CNIH3: variants seen among roughly 807,000 people sequenced by gnomAD.
The protein encoded by CNIH3 is cornichon family AMPA receptor auxiliary protein 3.
A neutral mutation model predicts 24.1 loss-of-function variants in CNIH3; 14 were observed. That is an observed-to-expected ratio of 0.58 (90% CI 0.38 to 0.91). CNIH3 has a LOEUF of 0.91. Ranked by LOEUF, CNIH3 falls within the 40% of genes least tolerant of loss-of-function variation. The pLI is 0.00. For synonymous variants in CNIH3, 68 were observed against 73.8 expected (o/e 0.92, Z 0.40); for missense variants, 178 against 196.8 (o/e 0.90, Z 0.57).
intron 2 of CNIH3, among the ~76,000 whole-genome samples, chr1:224,530,203 GA>G (rs1292326504): frequency 6.6e-6 from 1 of 152,188 alleles, no homozygotes. Flanking sequence ...GGGGACTAGA[GA>G]ATATGCTGTA....
chr1:224,544,743 T>C (rs1238548086), intron 2 of CNIH3, among the ~76,000 whole-genome samples: 1 of 152,190 alleles, frequency 6.6e-6, no homozygotes, highest in East Asian at 1.9e-4. Context: ...CAGTTACTCT[T>C]GGCACTACTA....
intron 4 of CNIH3, among the ~76,000 whole-genome samples, chr1:224,567,926 C>CAATT (rs1471079617): frequency 1.3e-5 from 2 of 152,130 alleles, no homozygotes; most frequent in African/African-American, 4.8e-5. Flanking sequence ...GATCCTGTGG[C>CAATT]ATTCTTCCAC....
intron 3 of CNIH3, among the ~76,000 whole-genome samples, chr1:224,706,991 T>C (rs541124587): frequency 7.3e-6 from 1 of 137,582 alleles, no homozygotes; most frequent in Non-Finnish European, 1.5e-5. Flanking sequence ...TGAGACAGAG[T>C]CTTGCTCTGT....
At chr1:224,591,590 C>T (rs1681757270), downstream of CNIH3, among the ~76,000 whole-genome samples, 1 of 152,134 alleles carries the variant, frequency 6.6e-6, no homozygotes, top group Non-Finnish European at 1.5e-5. Context: ...AGAATGGTTC[C>T]AACTGGAGGA....
chr1:224,707,873 G>A (rs932118570), intron 3 of CNIH3, among the ~76,000 whole-genome samples: 2 of 152,088 alleles, frequency 1.3e-5, no homozygotes, highest in East Asian at 1.9e-4. Flanking sequence ...TTGTTATCTT[G>A]TTGTTATTGA....
intron 3 of CNIH3, among the ~76,000 whole-genome samples, chr1:224,724,200 G>A (rs1261218575): frequency 6.6e-6 from 1 of 152,150 alleles, no homozygotes; most frequent in African/African-American, 2.4e-5. Flanking sequence ...CATTTAATAT[G>A]CCAGCACCAA....
chr1:224,665,309 G>A (rs934654733), intron 1 of CNIH3, among the ~76,000 whole-genome samples: 1 of 152,108 alleles, frequency 6.6e-6, no homozygotes, highest in Non-Finnish European at 1.5e-5. Flanking sequence ...CTGGTGTAGA[G>A]AAGGAGGTAA....
At chr1:224,735,755 G>C (rs1689563600) in intron 5 of CNIH3, among the ~76,000 whole-genome samples, 1 of 152,096 alleles carries the variant, frequency 6.6e-6, no homozygotes, top group African/African-American at 2.4e-5. Flanking sequence ...CTTGGCTCAA[G>C]TGATTCTCCC....
chr1:224,623,351 C>G (rs1683375443), intron 1 of CNIH3, among the ~76,000 whole-genome samples: 1 of 152,182 alleles, frequency 6.6e-6, no homozygotes, highest in Non-Finnish European at 1.5e-5. Flanking sequence ...TCCTGTCGCT[C>G]CTGTAGTGGA....
At chr1:224,729,695 A>G (rs545368366) in intron 3 of CNIH3, among the ~76,000 whole-genome samples, 13 of 152,258 alleles carry the variant, frequency 8.5e-5, no homozygotes, top group African/African-American at 3.1e-4. Flanking sequence ...GATTTCTGAT[A>G]AAATGAAGTT....
intron 2 of CNIH3, among the ~76,000 whole-genome samples, chr1:224,533,518 TATCTC>T (rs1379989676): frequency 1.4e-4 from 21 of 152,192 alleles, no homozygotes. Flanking sequence ...AGAAATGTAT[TATCTC>T]ATCGTTCTGG....
At chr1:224,723,258 CAG>C (rs1378516686) in intron 3 of CNIH3, among the ~76,000 whole-genome samples, 5 of 152,334 alleles carry the variant, frequency 3.3e-5, no homozygotes, top group African/African-American at 9.6e-5. Flanking sequence ...TAAGTCCCAA[CAG>C]GGGCCTCTGG....
At chr1:224,725,709 A>G (rs1195304017) in intron 3 of CNIH3, among the ~76,000 whole-genome samples, 1 of 152,194 alleles carries the variant, frequency 6.6e-6, no homozygotes, top group Non-Finnish European at 1.5e-5. Flanking sequence ...CGGATCTCCA[A>G]CAACAGGGGC....
intron 1 of CNIH3, among the ~76,000 whole-genome samples, chr1:224,625,657 A>G (rs1683489768): frequency 6.6e-6 from 1 of 152,198 alleles, no homozygotes. Flanking sequence ...TTCAATCCAG[A>G]ATTAAGTGGA....
intron 1 of CNIH3, among the ~76,000 whole-genome samples, chr1:224,624,416 G>A (rs1485639389): frequency 6.6e-6 from 1 of 152,024 alleles, no homozygotes; most frequent in Non-Finnish European, 1.5e-5. Flanking sequence ...TGTCCATGGG[G>A]CCACCTGCCC....
chr1:224,510,315 T>C (rs1350097345), intron 1 of CNIH3, among the ~76,000 whole-genome samples: 1 of 151,944 alleles, frequency 6.6e-6, no homozygotes. Context: ...TGGGCAGGCA[T>C]GGAGTGTCAG....
downstream of CNIH3, chr1:224,537,042 C>T (rs1367854682): frequency 6.6e-6 from 1 of 152,152 alleles, no homozygotes; most frequent in Non-Finnish European, 1.5e-5. Context: ...AGAGAAAAGT[C>T]AAGCTGGGAA....
rs3065475 is a variant in CNIH3 at position 224,459,881 on chromosome 1, A to ATTTT, written n.203+25032_203+25035dup. Among the ~76,000 whole-genome samples the ATTTT allele has an allele frequency of 8.0e-4, 109 of 136,150 alleles. 2 individuals carry two copies. Among genetic ancestry groups the ATTTT allele is most frequent in the Middle Eastern group, 3.8e-3 (1 of 264 alleles). The allele number at this position is 136,150 out of a possible 152,430, so 89.3% of individuals were successfully genotyped here. On this transcript the variant is annotated intron_variant and non_coding_transcript_variant, in intron 1 of 5. Coordinates refer to the CNIH3 transcript ENST00000471578. ...GGGTTGTTAGAGTCATGGAACCCCTATTTTTTTTTTTTTTTTGACCGGGTC... is the reference window on the plus strand; with the variant it reads ...GGGTTGTTAGAGTCATGGAACCCCTATTTTTTTTTTTTTTTTTTTTGACCGGGTC...
At chr1:224,575,682 T>C (rs1051620429) in intron 4 of CNIH3, among the ~76,000 whole-genome samples, 23 of 152,160 alleles carry the variant, frequency 1.5e-4, no homozygotes, top group South Asian at 2.1e-4. Context: ...AACAGCTGAG[T>C]TTTGACTGCT....
Sources: gnomAD v4.1 joint callset for allele counts (sites outside exome capture counted in the v4.1 genomes callset) on GRCh38, gnomAD v4.1.1 for gene constraint, MANE v1.5 for transcripts, NCBI Gene and HGNC (gene_info 2026-07-23, HGNC 2026-07-21) for gene names.